ELMO1: variants seen among roughly 807,000 people sequenced by gnomAD.
The protein encoded by ELMO1 is engulfment and cell motility 1.
Under a neutral mutation model 98.9 loss-of-function variants are expected in ELMO1, and 26 were observed. That is an observed-to-expected ratio of 0.26 (90% CI 0.19 to 0.36). ELMO1 has a LOEUF of 0.36. Among genes scored for constraint, ELMO1 ranks in the 10% least tolerant of loss-of-function variants. ELMO1 has a pLI of 1.00. For missense variants in ELMO1, 627 were observed against 935.2 expected (o/e 0.67, Z 4.30); for synonymous variants, 346 against 346.0 (o/e 1.00, Z 0.00).
intron 13 of ELMO1, among the ~76,000 whole-genome samples, chr7:37,161,151 C>T (rs542801267): frequency 2.1e-4 from 32 of 152,280 alleles, no homozygotes; most frequent in Admixed American, 1.6e-3. Context: ...TCTGGAGTGG[C>T]GTCAGCATTC....
intron 15 of ELMO1, among the ~76,000 whole-genome samples, chr7:37,027,108 G>C (rs1290488221): frequency 6.6e-6 from 1 of 152,046 alleles, no homozygotes; most frequent in Admixed American, 6.6e-5. Flanking sequence ...TTCACCCACT[G>C]CCTTAAAATA....
intron 5 of ELMO1, chr7:37,270,205 G>A (rs543751641): frequency 1.8e-4 from 27 of 152,240 alleles, no homozygotes; most frequent in Admixed American, 3.9e-4. Flanking sequence ...AAAGTCAGAC[G>A]AAAACGCCTC....
chr7:37,348,466 TATGGGAATTGTTCC>T (rs1801112806), intron 1 of ELMO1, among the ~76,000 whole-genome samples: 1 of 152,060 alleles, frequency 6.6e-6, no homozygotes. Context: ...ATTCCAAAAA[TATGGGAATTGTTCC>T]ATGTTTAATA....
At chr7:37,115,578 C>T (rs1563011132) in intron 14 of ELMO1, among the ~76,000 whole-genome samples, 2 of 152,050 alleles carry the variant, frequency 1.3e-5, no homozygotes, top group Middle Eastern at 3.4e-3. Context: ...TCTCAGCAAA[C>T]TAAGAATAGA....
chr7:37,343,744 C>T (rs542449997), intron 1 of ELMO1, among the ~76,000 whole-genome samples: 5 of 151,926 alleles, frequency 3.3e-5, no homozygotes, highest in Admixed American at 6.6e-5. Context: ...CAAAGTGCTG[C>T]GATTACAGGC....
At chr7:37,189,365 A>G (rs967888496) in intron 13 of ELMO1, among the ~76,000 whole-genome samples, 20 of 152,234 alleles carry the variant, frequency 1.3e-4, no homozygotes, top group African/African-American at 4.6e-4. Flanking sequence ...TTTGAGAAAC[A>G]CTGGTTTCTG....
At chr7:36,892,568 T>C (rs1190696880) in intron 17 of ELMO1, among the ~76,000 whole-genome samples, 1 of 152,178 alleles carries the variant, frequency 6.6e-6, no homozygotes, top group Non-Finnish European at 1.5e-5. Context: ...AAAAAATGAA[T>C]GAAAACAAGC....
intron 1 of ELMO1, among the ~76,000 whole-genome samples, chr7:37,442,983 C>T (rs1162460865): frequency 1.3e-5 from 2 of 152,216 alleles, no homozygotes; most frequent in Non-Finnish European, 2.9e-5. Flanking sequence ...ATGCTTGTGA[C>T]ATTTCATTCC....
chr7:37,204,929 C>A (rs1264971725), intron 13 of ELMO1, among the ~76,000 whole-genome samples: 8 of 152,180 alleles, frequency 5.3e-5, no homozygotes, highest in Admixed American at 5.2e-4. Flanking sequence ...GAAAAGTTCT[C>A]CAAGTCCCCT....
At chr7:37,066,117 C>A (rs995878055) in intron 15 of ELMO1, among the ~76,000 whole-genome samples, 1 of 152,212 alleles carries the variant, frequency 6.6e-6, no homozygotes, top group African/African-American at 2.4e-5. Context: ...GAGACCTCCC[C>A]AGCCATGTGG....
At chr7:37,394,941 A>C (rs986544610) in intron 1 of ELMO1, among the ~76,000 whole-genome samples, 1 of 152,218 alleles carries the variant, frequency 6.6e-6, no homozygotes, top group Non-Finnish European at 1.5e-5. Context: ...TCATGGATGA[A>C]TATCATGGAA....
chr7:37,247,004 G>C (rs905807389), intron 6 of ELMO1, among the ~76,000 whole-genome samples: 1 of 151,776 alleles, frequency 6.6e-6, no homozygotes, highest in Non-Finnish European at 1.5e-5. Context: ...ATAAATTTGT[G>C]CTCTTTTGAC....
chr7:37,118,298 A>C (rs1358665624), intron 14 of ELMO1, among the ~76,000 whole-genome samples: 1 of 152,234 alleles, frequency 6.6e-6, no homozygotes, highest in East Asian at 1.9e-4. Context: ...CTCCTGGTAC[A>C]GAGGGCTGAT....
intron 16 of ELMO1, 132 bp from the exon 17 acceptor site, chr7:36,895,149 C>T (rs1282055667): frequency 5.0e-6 from 5 of 1,008,766 alleles, no homozygotes; most frequent in Non-Finnish European, 5.7e-6. Flanking sequence ...CTTGAGCATG[C>T]TTTTCCAAAA....
chr7:36,897,189 T>C (rs931639004), intron 16 of ELMO1, among the ~76,000 whole-genome samples: 2 of 152,136 alleles, frequency 1.3e-5, no homozygotes, highest in Non-Finnish European at 2.9e-5. Flanking sequence ...TCCCCAGACT[T>C]TTCTGCCACG....
At chr7:37,046,596 T>C (rs958717891) in intron 15 of ELMO1, among the ~76,000 whole-genome samples, 5 of 152,068 alleles carry the variant, frequency 3.3e-5, no homozygotes, top group Non-Finnish European at 7.4e-5. Flanking sequence ...ATGAGAATGA[T>C]GAAAACAAAA....
chr7:37,310,633 T>C (rs1224009868), intron 4 of ELMO1, among the ~76,000 whole-genome samples: 1 of 152,230 alleles, frequency 6.6e-6, no homozygotes, highest in South Asian at 2.1e-4. Context: ...CTGTATTTAT[T>C]GTTTTTGAGG....
At chr7:37,111,500 T>C (rs1222356069) in intron 14 of ELMO1, among the ~76,000 whole-genome samples, 1 of 152,142 alleles carries the variant, frequency 6.6e-6, no homozygotes, top group Non-Finnish European at 1.5e-5. Context: ...GCAATACTAA[T>C]CAGATTTTCT....
intron 2 of ELMO1, among the ~76,000 whole-genome samples, chr7:37,327,862 T>A (rs1249112623): frequency 1.3e-5 from 2 of 152,194 alleles, no homozygotes; most frequent in African/African-American, 4.8e-5. Context: ...GGGTCTAAAC[T>A]ATGCAAACAA....
Sources: gnomAD v4.1 joint callset for allele counts (sites outside exome capture counted in the v4.1 genomes callset) on GRCh38, gnomAD v4.1.1 for gene constraint, MANE v1.5 for transcripts, NCBI Gene and HGNC (gene_info 2026-07-23, HGNC 2026-07-21) for gene names.